SGCG: variants seen among roughly 807,000 people sequenced by gnomAD.
The protein encoded by SGCG is sarcoglycan gamma.
In SGCG, 26 loss-of-function variants were observed where a neutral mutation model predicts 29.3. The observed-to-expected ratio is 0.89, with a 90% CI of 0.65 to 1.23. The LOEUF (loss-of-function observed/expected upper bound fraction) is 1.23. Ranked by LOEUF, SGCG falls within the 50% of genes most tolerant of loss-of-function variation. The pLI is 0.00. For missense variants in SGCG, 353 were observed against 356.0 expected (o/e 0.99, Z 0.07); for synonymous variants, 145 against 129.7 (o/e 1.12, Z -0.80).
At chr13:23,250,774 A>G (rs544685130) in intron 4 of SGCG, 57 bp downstream of exon 4, 3 of 954,928 alleles carry the variant, frequency 3.1e-6, no homozygotes, top group African/African-American at 3.2e-5. Flanking sequence ...ATAGTGCTAA[A>G]TGAATGCATT....
chr13:23,303,925 G>T (rs569937143), intron 6 of SGCG, among the ~76,000 whole-genome samples: 2 of 67,672 alleles, frequency 3.0e-5, no homozygotes, highest in East Asian at 1.9e-3. Context: ...AACACAATGT[G>T]TTTTAAATAT....
At chr13:23,212,692 A>C (rs1038304966) in intron 2 of SGCG, among the ~76,000 whole-genome samples, 102 of 152,240 alleles carry the variant, frequency 6.7e-4, no homozygotes, top group African/African-American at 2.1e-3. Flanking sequence ...AGGGAGTGAG[A>C]AGAGAGGCTC....
intron 4 of SGCG, among the ~76,000 whole-genome samples, chr13:23,261,317 T>A (rs867496776): frequency 3.9e-5 from 6 of 151,944 alleles, no homozygotes; most frequent in Middle Eastern, 3.4e-3. Context: ...CAAAAACCAG[T>A]CAGAACTTTT....
At chr13:23,226,969 G>T (rs1182507559) in intron 2 of SGCG, among the ~76,000 whole-genome samples, 1 of 152,212 alleles carries the variant, frequency 6.6e-6, no homozygotes, top group Non-Finnish European at 1.5e-5. Flanking sequence ...TTAGGACAAT[G>T]AATCATGTCA....
At chr13:23,314,504 A>G (rs1218593965) in intron 6 of SGCG, among the ~76,000 whole-genome samples, 1 of 137,522 alleles carries the variant, frequency 7.3e-6, no homozygotes, top group East Asian at 2.1e-4. Context: ...CCTCTAGGGA[A>G]CCCTGACTAA....
chr13:23,213,800 C>T (rs493960), intron 2 of SGCG, among the ~76,000 whole-genome samples: 34,684 of 152,066 alleles, frequency 0.23, 4,149 homozygotes, highest in Middle Eastern at 0.33. Flanking sequence ...TTGCCTTCAT[C>T]GAGAGGCTGG....
At chr13:23,206,592 G>C (rs1055310096) in intron 2 of SGCG, among the ~76,000 whole-genome samples, 1 of 151,902 alleles carries the variant, frequency 6.6e-6, no homozygotes, top group Non-Finnish European at 1.5e-5. Flanking sequence ...CATCTTGATT[G>C]ACTACTATAA....
chr13:23,244,576 CT>C (rs1351164497), intron 3 of SGCG: 1 of 152,178 alleles, frequency 6.6e-6, no homozygotes, highest in Admixed American at 6.5e-5. Context: ...ACCTTGTGAA[CT>C]GCCTTGACAC....
intron 4 of SGCG, among the ~76,000 whole-genome samples, chr13:23,271,384 T>G (rs1486787613): frequency 6.6e-6 from 1 of 151,988 alleles, no homozygotes; most frequent in Non-Finnish European, 1.5e-5. Flanking sequence ...AGGCCCCATA[T>G]AAAATACACT....
At chr13:23,272,189 G>A (rs1880897722) in intron 4 of SGCG, among the ~76,000 whole-genome samples, 1 of 152,198 alleles carries the variant, frequency 6.6e-6, no homozygotes, top group South Asian at 2.1e-4. Flanking sequence ...GCTCCACAAT[G>A]TTGAGTAGCA....
chr13:23,314,940 G>A (rs537269785), intron 6 of SGCG, among the ~76,000 whole-genome samples: 1 of 152,292 alleles, frequency 6.6e-6, no homozygotes, highest in South Asian at 2.1e-4. Flanking sequence ...GACCCAAAAG[G>A]CTGCCAGTTT....
At chr13:23,250,607 A>C (rs751134155) in intron 3 of SGCG, 23 bp from the exon 4 acceptor site, 39 of 1,445,946 alleles carry the variant, frequency 2.7e-5, no homozygotes, top group Non-Finnish European at 3.6e-5. Context: ...CCTATTTTGC[A>C]AATTTTATAA....
At chr13:23,305,956 C>G (rs533142801) in intron 6 of SGCG, among the ~76,000 whole-genome samples, 1 of 152,302 alleles carries the variant, frequency 6.6e-6, no homozygotes, top group Admixed American at 6.5e-5. Flanking sequence ...ACTGCAGCCT[C>G]CAGCTGCAGG....
chr13:23,170,479 AG>A, the SGCG span: 3 of 152,248 alleles, frequency 2.0e-5, no homozygotes, highest in East Asian at 3.8e-4. Flanking sequence ...GGGATGATAA[AG>A]ACGTGAGCTT....
At chr13:23,307,786 T>C (rs1179712618) in intron 6 of SGCG, among the ~76,000 whole-genome samples, 2 of 152,202 alleles carry the variant, frequency 1.3e-5, no homozygotes, top group Non-Finnish European at 2.9e-5. Context: ...CTCATCATTG[T>C]CATAAATCAT....
At chr13:23,311,924 T>A (rs1472476279) in intron 6 of SGCG, among the ~76,000 whole-genome samples, 1 of 152,178 alleles carries the variant, frequency 6.6e-6, no homozygotes, top group Non-Finnish European at 1.5e-5. Context: ...ACTTTTCTCC[T>A]GCCCAGTTCT....
chr13:23,253,713 T>C (rs1880063693), intron 4 of SGCG, among the ~76,000 whole-genome samples: 1 of 152,206 alleles, frequency 6.6e-6, no homozygotes, highest in Admixed American at 6.5e-5. Context: ...TGATTCCCAA[T>C]GTGGAAGGTG....
chr13:23,318,230 A>C (rs1230791357), intron 6 of SGCG, among the ~76,000 whole-genome samples: 1 of 134,150 alleles, frequency 7.5e-6, no homozygotes, highest in Non-Finnish European at 1.7e-5. Flanking sequence ...TACTAGTTAT[A>C]TCCTACTAGT....
At chr13:23,203,476 T>C (rs1443101090) in intron 1 of SGCG, among the ~76,000 whole-genome samples, 1 of 152,240 alleles carries the variant, frequency 6.6e-6, no homozygotes, top group East Asian at 1.9e-4. Context: ...ATATAAAATA[T>C]TTTAAATGGC....
Sources: gnomAD v4.1 joint callset for allele counts (sites outside exome capture counted in the v4.1 genomes callset) on GRCh38, gnomAD v4.1.1 for gene constraint, MANE v1.5 for transcripts, NCBI Gene and HGNC (gene_info 2026-07-23, HGNC 2026-07-21) for gene names.